The following ULK4 variants were observed in gnomAD, a reference collection of about 807,000 sequenced individuals.
ULK4 encodes unc-51 like kinase 4.
Under a neutral mutation model 160.6 loss-of-function variants are expected in ULK4, and 133 were observed. The ratio of observed to expected loss-of-function variants is 0.83; its 90% CI spans 0.72 to 0.96. The LOEUF is 0.96. Ranked by LOEUF, ULK4 falls within the 40% of genes least tolerant of loss-of-function variation. The pLI is 0.00. For missense variants in ULK4, 1,580 were observed against 1,499.5 expected, an observed-to-expected ratio of 1.05 and a Z score of -0.89; for synonymous variants, 534 against 539.8, an observed-to-expected ratio of 0.99 and a Z score of 0.15.
intron 30 of ULK4, among the ~76,000 whole-genome samples, chr3:41,634,857 T>G (rs150351088): frequency 2.2e-3 from 337 of 152,324 alleles, no homozygotes; most frequent in African/African-American, 7.7e-3. Flanking sequence ...CCTTAACTGC[T>G]GCAATGTACA....
intron 35 of ULK4, among the ~76,000 whole-genome samples, chr3:41,344,943 AC>A (rs2080768887): frequency 2.0e-5 from 3 of 152,194 alleles, no homozygotes; most frequent in South Asian, 4.1e-4. Flanking sequence ...CAAGAAAAAA[AC>A]AACTGCACCA....
intron 32 of ULK4, among the ~76,000 whole-genome samples, chr3:41,479,045 T>C (rs570849381): frequency 6.6e-6 from 1 of 152,336 alleles, no homozygotes; most frequent in African/African-American, 2.4e-5. Flanking sequence ...TGATCCCTCA[T>C]CAGCAGCACA....
chr3:41,606,499 C>A (rs956822523), intron 31 of ULK4, among the ~76,000 whole-genome samples: 1 of 151,872 alleles, frequency 6.6e-6, no homozygotes, highest in Non-Finnish European at 1.5e-5. Flanking sequence ...AAGTGGGATT[C>A]CTGGATCATA....
At chr3:41,859,282 T>C (rs2683699) in intron 17 of ULK4, 25,629 of 553,434 alleles carry the variant, frequency 0.046, 5,117 homozygotes, top group African/African-American at 0.43. Context: ...TGGAGGTGAT[T>C]TTGCATCTAG....
At chr3:41,544,383 T>G (rs1427171045) in intron 32 of ULK4, among the ~76,000 whole-genome samples, 1 of 152,200 alleles carries the variant, frequency 6.6e-6, no homozygotes, top group Non-Finnish European at 1.5e-5. Context: ...TTATATGTGT[T>G]GGAGCATGCC....
At chr3:41,311,644 C>T (rs1393282393) in intron 35 of ULK4, among the ~76,000 whole-genome samples, 1 of 152,154 alleles carries the variant, frequency 6.6e-6, no homozygotes, top group East Asian at 1.9e-4. Flanking sequence ...TCTCGACTCA[C>T]TGCAATCTCT....
chr3:41,826,462 A>G (rs577745844), intron 18 of ULK4, among the ~76,000 whole-genome samples: 1 of 152,064 alleles, frequency 6.6e-6, no homozygotes, highest in South Asian at 2.1e-4. Context: ...GGATGGAGGA[A>G]GATCTACAAA....
intron 17 of ULK4, among the ~76,000 whole-genome samples, chr3:41,843,214 T>C (rs536381304): frequency 7.9e-5 from 12 of 152,312 alleles, no homozygotes; most frequent in African/African-American, 1.4e-4. Context: ...TTCAACATCA[T>C]TGGCAACTAG....
chr3:41,836,499 C>T (rs116719483), intron 17 of ULK4, among the ~76,000 whole-genome samples: 1,996 of 152,074 alleles, frequency 0.013, 28 homozygotes, highest in Non-Finnish European at 0.021. Flanking sequence ...GCACTTCCAC[C>T]GTATCACTAA....
At chr3:41,585,643 G>A (rs1379286041) in intron 31 of ULK4, among the ~76,000 whole-genome samples, 1 of 152,034 alleles carries the variant, frequency 6.6e-6, no homozygotes, top group Admixed American at 6.6e-5. Context: ...AAAAGCACAA[G>A]CAACAAAATA....
chr3:41,922,852 A>G (rs973427364), intron 5 of ULK4, among the ~76,000 whole-genome samples: 3 of 152,202 alleles, frequency 2.0e-5, no homozygotes, highest in Non-Finnish European at 4.4e-5. Flanking sequence ...TGCAGTCTTA[A>G]GAAAGGTTCT....
At chr3:41,585,211 A>C (rs923647681) in intron 31 of ULK4, among the ~76,000 whole-genome samples, 1 of 152,182 alleles carries the variant, frequency 6.6e-6, no homozygotes, top group African/African-American at 2.4e-5. Flanking sequence ...AAAGCCAAAA[A>C]ATCTTGAAAA....
At chr3:41,463,030 A>G (rs2083727043) in intron 33 of ULK4, 57 bp downstream of exon 33, 2 of 1,553,158 alleles carry the variant, frequency 1.3e-6, no homozygotes, top group African/African-American at 2.7e-5. Context: ...AAGAGAATGA[A>G]AGGGAAGCAT....
intron 35 of ULK4, among the ~76,000 whole-genome samples, chr3:41,252,816 C>T (rs1295189269): frequency 6.6e-6 from 1 of 151,832 alleles, no homozygotes; most frequent in Non-Finnish European, 1.5e-5. Flanking sequence ...ACAGTAAATC[C>T]CAAACAAGAT....
At chr3:41,961,717 C>A (rs964248883) in intron 1 of ULK4, among the ~76,000 whole-genome samples, 6 of 152,164 alleles carry the variant, frequency 3.9e-5, no homozygotes, top group Non-Finnish European at 7.3e-5. Context: ...TAAGAGATGG[C>A]GTCCATAAAG....
At chr3:41,790,248 T>A (rs1187469640) in intron 20 of ULK4, among the ~76,000 whole-genome samples, 1 of 152,240 alleles carries the variant, frequency 6.6e-6, no homozygotes, top group Non-Finnish European at 1.5e-5. Context: ...TATCTGAAGA[T>A]TACCTCAATT....
chr3:41,288,213 T>C (rs565013217), intron 35 of ULK4, among the ~76,000 whole-genome samples: 168 of 152,166 alleles, frequency 1.1e-3, no homozygotes, highest in Non-Finnish European at 2.0e-3. Context: ...TCTGTGACCA[T>C]TAAAAAAAAA....
rs80062544 is a variant in ULK4 at position 41,690,807 on chromosome 3, C to T, written c.2782-9003G>A. On this transcript the variant is annotated intron_variant, in intron 27 of 36. Transcript: ENST00000301831. Reference sequence around the variant, plus strand: ...AGGTAACTGCTTTTCTGTCTTCAACCAGACCACCTTTCCAGGACAGAGCAC... The same window carrying T: ...AGGTAACTGCTTTTCTGTCTTCAACTAGACCACCTTTCCAGGACAGAGCAC... Among the ~76,000 whole-genome samples the T allele has an allele frequency of 8.6e-5, 13 of 152,000 alleles. No individual in the cohort carries two copies. In the East Asian group the frequency reaches 2.3e-3, roughly 27 times the overall value.
intron 35 of ULK4, among the ~76,000 whole-genome samples, chr3:41,392,039 T>C (rs2081968754): frequency 1.3e-5 from 2 of 152,128 alleles, no homozygotes; most frequent in African/African-American, 2.4e-5. Flanking sequence ...TGGTGGTTCA[T>C]GTGTAGTCAA....
Sources: allele counts gnomAD v4.1 joint callset (sites outside exome capture counted in the v4.1 genomes callset), GRCh38; gene constraint gnomAD v4.1.1; transcripts MANE v1.5; gene names NCBI Gene and HGNC (gene_info 2026-07-23, HGNC 2026-07-21).